Variants in FUBP3 observed in about 807,000 individuals in gnomAD.
FUBP3 encodes the protein far upstream element binding protein 3.
In FUBP3, 28 loss-of-function variants were observed where a neutral mutation model predicts 85.6. The observed-to-expected ratio is 0.33, with a 90% CI of 0.24 to 0.45. The LOEUF (loss-of-function observed/expected upper bound fraction) is 0.45. Among genes scored for constraint, FUBP3 ranks in the 20% least tolerant of loss-of-function variants. The pLI is 1.00. For synonymous variants in FUBP3, 271 were observed against 271.4 expected, an observed-to-expected ratio of 1.00 and a Z score of 0.01; for missense variants, 583 against 755.1, an observed-to-expected ratio of 0.77 and a Z score of 2.67.
At position 130,612,467 on chromosome 9, in the gene FUBP3, C is replaced by T. The variant is rs777125650; in HGVS notation, c.236C>T (p.Thr79Met). ...GALVHQRTVI[T>M]EEFKVPDKMV... is the part of the protein sequence containing the mutation. ...TTCTTTGTTTTTAGGACGGTAATAA[C>T]GGAAGAATTCAAAGTGCCTGACAAA... is the stretch of plus-strand genomic sequence containing the variant. The change falls in exon 4 of 19, where the codon ACG (threonine) becomes ATG (methionine). Residue 79 changes from threonine to methionine, a missense_variant. Coordinates refer to ENST00000319725, the MANE Select transcript of FUBP3 (RefSeq NM_003934.2). The surrounding 1 kb of genome is among the most constrained non-coding windows in gnomAD (Gnocchi z 4.1). 1.1e-5 allele frequency: 18 copies of T among 1,595,596 alleles called. No homozygotes were observed. Among genetic ancestry groups the T allele is most frequent in the African/African-American group, 6.7e-5 (5 of 74,496 alleles).
At position 130,598,518 on chromosome 9, in the gene FUBP3, G is replaced by A. The variant is rs552067445; in HGVS notation, c.190+2930G>A. On this transcript the variant is annotated intron_variant, in intron 2 of 18. Transcript: ENST00000319725. ...TGTTTTTACGTTGCTGTCTCAAGAG[G>A]AACCAAAGTATGATTGCCTCGAAAA... Among the ~76,000 whole-genome samples the A allele has an allele frequency of 5.9e-5, 9 of 152,292 alleles. No individual in the cohort carries two copies. In the South Asian group the frequency reaches 1.9e-3, roughly 32 times the overall value.
intron 2 of FUBP3, among the ~76,000 whole-genome samples, chr9:130,603,734 C>A (rs375021175): frequency 1.3e-5 from 2 of 152,204 alleles, no homozygotes; most frequent in Admixed American, 1.3e-4. Flanking sequence ...ATGCCTGTTA[C>A]ATTCTTCGCA....
At chr9:130,628,089 C>T (rs56380230) in intron 12 of FUBP3, among the ~76,000 whole-genome samples, 3,649 of 128,378 alleles carry the variant, frequency 0.028, 60 homozygotes, top group Non-Finnish European at 0.039. Context: ...AACACACGCA[C>T]GCACGCACGC....
intron 1 of FUBP3, among the ~76,000 whole-genome samples, chr9:130,592,567 G>A (rs1002287802): frequency 6.6e-6 from 1 of 152,110 alleles, no homozygotes; most frequent in Non-Finnish European, 1.5e-5. Flanking sequence ...GTTTTAAAGA[G>A]ATGGGGTCTC....
intron 5 of FUBP3, among the ~76,000 whole-genome samples, chr9:130,613,509 C>T (rs753503158): frequency 1.6e-4 from 25 of 152,130 alleles, no homozygotes; most frequent in Non-Finnish European, 2.9e-4. Context: ...CTAGCTGGGT[C>T]CATTTTGACC....
At chr9:130,595,710 A>AG (rs1830837108) in intron 2 of FUBP3, 122 bp downstream of exon 2, 1 of 711,474 alleles carries the variant, frequency 1.4e-6, no homozygotes, top group Non-Finnish European at 2.6e-6. Flanking sequence ...GAAAGGTTGA[A>AG]GGGAAGTATT....
chr9:130,579,641 G>C lies in FUBP3; in HGVS notation c.-40G>C, dbSNP rs770511452. The C allele has an allele frequency of 1.7e-6, 2 of 1,190,758 alleles. No homozygotes were observed. The highest frequency in any genetic ancestry group is 3.2e-5 in the African/African-American group (2 of 63,356). 73.8% of individuals were successfully genotyped at this position (1,190,758 alleles called of 1,614,324 possible). On this transcript the variant is annotated 5_prime_UTR_variant, in exon 1 of 19. Coordinates refer to ENST00000319725, the MANE Select transcript of FUBP3 (RefSeq NM_003934.2). ...GACCGGGGAGCCGAGCGGCGGCGTC[G>C]GCGGCGTCGGCGGCGGCGGCGACGG...
At chr9:130,602,414 AAAGG>A (rs950042710) in intron 2 of FUBP3, among the ~76,000 whole-genome samples, 1 of 152,144 alleles carries the variant, frequency 6.6e-6, no homozygotes, top group African/African-American at 2.4e-5. Context: ...CAAGGACAGA[AAAGG>A]AAGACAGGAG....
intron 2 of FUBP3, among the ~76,000 whole-genome samples, chr9:130,606,388 A>AC (rs372793709): frequency 0.016 from 2,421 of 147,680 alleles, 56 homozygotes; most frequent in African/African-American, 0.052. Context: ...CTCTCTCCCC[A>AC]CCCCCCCCCA....
At chr9:130,604,564 G>C (rs1039484775) in intron 2 of FUBP3, among the ~76,000 whole-genome samples, 1 of 152,174 alleles carries the variant, frequency 6.6e-6, no homozygotes, top group Non-Finnish European at 1.5e-5. Context: ...TGCCTCATCA[G>C]ATTATCATGA....
chr9:130,627,427 G>A (rs529279969), intron 12 of FUBP3, among the ~76,000 whole-genome samples: 6 of 152,330 alleles, frequency 3.9e-5, no homozygotes, highest in South Asian at 2.1e-4. Context: ...AGGGGCGCTC[G>A]TATTGGATAG....
intron 2 of FUBP3, among the ~76,000 whole-genome samples, chr9:130,599,160 C>T (rs1048456286): frequency 6.6e-6 from 1 of 152,070 alleles, no homozygotes; most frequent in African/African-American, 2.4e-5. Context: ...GATGTCATGG[C>T]ACGCGCCTGT....
chr9:130,606,276 G>T (rs943490940), intron 2 of FUBP3, among the ~76,000 whole-genome samples: 1 of 152,162 alleles, frequency 6.6e-6, no homozygotes, highest in Admixed American at 6.5e-5. Context: ...AGTCAGAGGA[G>T]ACTGCAAATC....
chr9:130,598,960 C>T (rs1034958717), intron 2 of FUBP3, among the ~76,000 whole-genome samples: 7 of 152,124 alleles, frequency 4.6e-5, no homozygotes, highest in Admixed American at 1.3e-4. Context: ...CCCAGACATT[C>T]GAGGCCAGCC....
Position 130,595,528 on chromosome 9 carries a change from C to T in FUBP3, c.130C>T (p.Pro44Ser). ...DSIPHLNNST[P>S]LVDPSVYGYG... The stretch of plus-strand genomic sequence containing the variant: ...AATTCCTCACTTGAATAATTCCACA[C>T]CTCTAGTGGACCCCTCAGTATATGG... Residue 44 changes from proline to serine, a missense_variant, in exon 2 of 19, where the codon CCT becomes TCT. By Grantham distance (74) the Pro-to-Ser change is moderately conservative. This residue lies in a region of FUBP3 where 177 missense variants were observed against 221.9 expected (regional missense o/e 0.80). Transcript: ENST00000319725. The T allele has an allele frequency of 6.3e-7, 1 of 1,594,486 alleles. No homozygotes were observed. Among genetic ancestry groups the T allele is most frequent in the Non-Finnish European group, 8.6e-7 (1 of 1,162,088 alleles).
intron 6 of FUBP3, among the ~76,000 whole-genome samples, chr9:130,614,854 C>T (rs2119077267): frequency 6.6e-6 from 1 of 152,312 alleles, no homozygotes; most frequent in Non-Finnish European, 1.5e-5. Flanking sequence ...TTTTGGCGCC[C>T]TTGCAACAGT....
intron 2 of FUBP3, among the ~76,000 whole-genome samples, chr9:130,609,719 C>G (rs919973813): frequency 6.6e-6 from 1 of 152,206 alleles, no homozygotes; most frequent in Non-Finnish European, 1.5e-5. Context: ...ACACACAGAT[C>G]AATTTCTTAT....
chr9:130,629,840 A>G (rs557664174), intron 12 of FUBP3, among the ~76,000 whole-genome samples: 35 of 152,194 alleles, frequency 2.3e-4, no homozygotes, highest in Non-Finnish European at 4.6e-4. Flanking sequence ...GCAACACTCC[A>G]TCCCCCACAG....
chr9:130,628,530 G>A (rs1386656938), intron 12 of FUBP3, among the ~76,000 whole-genome samples: 1 of 152,160 alleles, frequency 6.6e-6, no homozygotes, highest in Non-Finnish European at 1.5e-5. Context: ...CTGGCCCCAC[G>A]AGGTTTTGTG....
Sources: allele counts gnomAD v4.1 joint callset (sites outside exome capture counted in the v4.1 genomes callset), GRCh38; gene constraint gnomAD v4.1.1; regional missense constraint gnomAD v4.1.1; non-coding constraint Gnocchi (gnomAD v3.1); transcripts MANE v1.5; gene names NCBI Gene and HGNC (gene_info 2026-07-23, HGNC 2026-07-21).